The following TIAM1 variants were observed in gnomAD, a reference collection of about 807,000 sequenced individuals.
The protein encoded by TIAM1 is rho guanine nucleotide exchange factor TIAM1.
TIAM1 carries 65 observed loss-of-function variants against 163.5 expected under a neutral mutation model. The ratio of observed to expected loss-of-function variants is 0.40; its 90% CI spans 0.33 to 0.49. The LOEUF (loss-of-function observed/expected upper bound fraction) is 0.49, where lower values mean the gene tolerates loss of function less well. Ranked by LOEUF, TIAM1 falls within the 20% of genes least tolerant of loss-of-function variation. TIAM1 has a pLI of 0.77. For synonymous variants in TIAM1, 833 were observed against 810.1 expected (o/e 1.03, Z -0.48); for missense variants, 1,789 against 2,044.7 (o/e 0.87, Z 2.41).
At chr21:31,175,637 C>T (rs147020439) in intron 15 of TIAM1, among the ~76,000 whole-genome samples, 1,719 of 152,096 alleles carry the variant, frequency 0.011, 36 homozygotes, top group African/African-American at 0.039. Flanking sequence ...CTCCCTCTGT[C>T]GCCCAGGCTG....
chr21:31,152,611 C>G (rs1456041811), intron 19 of TIAM1, 25 bp downstream of exon 19: 1 of 1,613,214 alleles, frequency 6.2e-7, no homozygotes, highest in South Asian at 1.1e-5. Context: ...AGCCCTGACG[C>G]TGGAGGCAGC....
chr21:31,282,197 T>C (rs766854538), intron 2 of TIAM1, among the ~76,000 whole-genome samples: 4 of 152,184 alleles, frequency 2.6e-5, no homozygotes, highest in Non-Finnish European at 5.9e-5. Context: ...TCTTGGTTCT[T>C]GGTACTCGGA....
chr21:31,472,692 C>T lies in TIAM1; in HGVS notation c.-421-8657G>A, dbSNP rs148567651. ...AGCCCATGAGCCTACTACTACATGGCCTTGATCCTAAGATGGGTTCTGTAA... is the reference window on the plus strand; with the variant it reads ...AGCCCATGAGCCTACTACTACATGGTCTTGATCCTAAGATGGGTTCTGTAA... On this transcript the variant is annotated intron_variant, in intron 1 of 28. Coordinates refer to the TIAM1 transcript ENST00000286827. Among the ~76,000 whole-genome samples, 65 of 152,272 alleles carry T rather than the reference C, an allele frequency of 4.3e-4. No homozygotes were observed. In the South Asian group the frequency reaches 7.5e-3, roughly 17 times the overall value.
intron 2 of TIAM1, among the ~76,000 whole-genome samples, chr21:31,394,686 ATTCT>A (rs1266870225): frequency 9.0e-6 from 1 of 111,248 alleles, no homozygotes. Context: ...AAATCTACTC[ATTCT>A]CTCTCTCTCT....
intron 2 of TIAM1, among the ~76,000 whole-genome samples, chr21:31,428,209 C>T (rs376739650): frequency 6.6e-6 from 1 of 151,304 alleles, no homozygotes; most frequent in East Asian, 1.9e-4. Flanking sequence ...GAGCCGAGAT[C>T]ACACCATTGC....
Position 31,120,186 on chromosome 21 carries a change from T to C in TIAM1, c.*182A>G. ...GCTTATTTGGGATTCTGATCAATTCTTTCTGATGTTGTTGAAAATGACAAA... is the reference window on the plus strand; with the variant it reads ...GCTTATTTGGGATTCTGATCAATTCCTTCTGATGTTGTTGAAAATGACAAA... On this transcript the variant is annotated 3_prime_UTR_variant, in exon 28 of 28. Transcript: ENST00000541036. The surrounding 1 kb of genome is among the most constrained non-coding windows in gnomAD (Gnocchi z 4.2). 1.7e-6 allele frequency: 1 copy of C among 584,610 alleles called. No individual in the cohort carries two copies. The highest frequency in any genetic ancestry group is 2.8e-5 in the East Asian group (1 of 35,204). 36.2% of individuals were successfully genotyped at this position (584,610 alleles called of 1,614,324 possible).
intron 2 of TIAM1, among the ~76,000 whole-genome samples, chr21:31,377,033 C>CTTTTTTT (rs35487868): frequency 7.4e-5 from 6 of 80,954 alleles, no homozygotes; most frequent in African/African-American, 1.5e-4. Flanking sequence ...TCATTTTTGT[C>CTTTTTTT]TTTTTTTTTT....
intron 1 of TIAM1, among the ~76,000 whole-genome samples, chr21:31,487,618 C>T (rs1252303681): frequency 1.4e-5 from 2 of 144,106 alleles, no homozygotes; most frequent in Non-Finnish European, 3.0e-5. Context: ...ACTGCAGTGG[C>T]GCAATCTCGG....
At position 31,214,359 on chromosome 21, in the gene TIAM1, A is replaced by G. The variant is rs1240738370; in HGVS notation, c.2143-887T>C. On this transcript the variant is annotated intron_variant, in intron 9 of 27. Transcript: ENST00000541036. Reference sequence around the variant, plus strand: ...AAAAAAATAAAAAACCAGAAAGAAAAAGAAAAAGAAAAATATAAATAAAAG... The same window carrying G: ...AAAAAAATAAAAAACCAGAAAGAAAGAGAAAAAGAAAAATATAAATAAAAG... 2.0e-5 allele frequency among the ~76,000 whole-genome samples: 3 copies of G among 152,064 alleles called. No homozygotes were observed. The East Asian group carries it at 5.8e-4, about 29-fold the overall frequency.
At chr21:31,333,720 A>G (rs1479895193) in intron 2 of TIAM1, among the ~76,000 whole-genome samples, 1 of 152,200 alleles carries the variant, frequency 6.6e-6, no homozygotes, top group Non-Finnish European at 1.5e-5. Context: ...GACTATGGGC[A>G]TGGGCCATCA....
chr21:31,189,456 A>C (rs977616408), intron 13 of TIAM1, among the ~76,000 whole-genome samples: 24 of 152,172 alleles, frequency 1.6e-4, no homozygotes, highest in African/African-American at 4.3e-4. Flanking sequence ...GTACCAGACA[A>C]CTGGGTAAAA....
intron 1 of TIAM1, among the ~76,000 whole-genome samples, chr21:31,519,042 G>A (rs2047478416): frequency 6.6e-6 from 1 of 151,956 alleles, no homozygotes. Context: ...CGGGCGCAGT[G>A]GCTCACCTGT....
At position 31,361,878 on chromosome 21, in the gene TIAM1, T is replaced by TAGATAGAC. The variant is rs1172591062; in HGVS notation, c.-368-22457_-368-22456insGTCTATCT. On this transcript the variant is annotated intron_variant, in intron 2 of 28. Coordinates refer to the TIAM1 transcript ENST00000286827. ...ATAGATAGATAGATAGATAGATAGA[T>TAGATAGAC]AGACAGACATGTGTATACATTTGGT... Among the ~76,000 whole-genome samples, 696 of 149,378 alleles carry TAGATAGAC rather than the reference T, an allele frequency of 4.7e-3. 5 individuals carry two copies. The highest frequency in any genetic ancestry group is 0.011 in the African/African-American group (455 of 41,100).
rs565765980 is a variant in TIAM1 at position 31,195,364 on chromosome 21, G to T, written c.2494-59C>A. ...TCATTATAACTAACTTTTAAAAATG[G>T]TCATCATTTCATAAATCTATTTTTT... On this transcript the variant is annotated intron_variant, in intron 12 of 27. Transcript: ENST00000541036. 14 of 1,221,406 alleles carry T rather than the reference G, an allele frequency of 1.1e-5. No individual in the cohort carries two copies. In the Admixed American group the frequency reaches 2.5e-4, roughly 22 times the overall value. 75.7% of individuals were successfully genotyped at this position (1,221,406 alleles called of 1,614,324 possible). A position where few individuals can be genotyped will look rare whatever the true frequency, so the allele number is the denominator to read the frequency against.
chr21:31,432,851 T>C (rs899045009), intron 2 of TIAM1, among the ~76,000 whole-genome samples: 2 of 152,140 alleles, frequency 1.3e-5, no homozygotes, highest in African/African-American at 4.8e-5. Flanking sequence ...GACTTTAATC[T>C]GTATGTGGTC....
At chr21:31,138,407 T>C (rs2833298) in intron 22 of TIAM1, among the ~76,000 whole-genome samples, 100,489 of 152,152 alleles carry the variant, frequency 0.66, 34,657 homozygotes, top group African/African-American at 0.87. Context: ...GTTACCATTT[T>C]ACAATAAACC....
At chr21:31,300,453 T>A (rs2074454918) in intron 2 of TIAM1, among the ~76,000 whole-genome samples, 1 of 152,246 alleles carries the variant, frequency 6.6e-6, no homozygotes, top group Non-Finnish European at 1.5e-5. Flanking sequence ...ATCTCATTCC[T>A]TATTGATTAC....
intron 2 of TIAM1, among the ~76,000 whole-genome samples, chr21:31,363,249 AAGAC>A (rs1317166185): frequency 6.6e-6 from 1 of 152,162 alleles, no homozygotes; most frequent in Non-Finnish European, 1.5e-5. Flanking sequence ...ACAGGGATGA[AAGAC>A]AGAGAGCATT....
At chr21:31,148,988 G>A (rs2083263894) in intron 19 of TIAM1, among the ~76,000 whole-genome samples, 2 of 146,954 alleles carry the variant, frequency 1.4e-5, no homozygotes, top group Admixed American at 1.3e-4. Flanking sequence ...AATATACAAT[G>A]AGGAGTTTAA....
Sources: allele counts gnomAD v4.1 joint callset (sites outside exome capture counted in the v4.1 genomes callset), GRCh38; gene constraint gnomAD v4.1.1; non-coding constraint Gnocchi (gnomAD v3.1); transcripts MANE v1.5; gene names NCBI Gene and HGNC (gene_info 2026-07-23, HGNC 2026-07-21).